The following ABCA13 variants were observed in gnomAD, a reference collection of about 807,000 sequenced individuals.
ABCA13 encodes the protein ATP binding cassette subfamily A member 13.
In ABCA13, 476 loss-of-function variants were observed where a neutral mutation model predicts 478.7. That is an observed-to-expected ratio of 0.99 (90% confidence interval 0.92 to 1.07). The LOEUF (loss-of-function observed/expected upper bound fraction) is 1.07. Ranked by LOEUF, ABCA13 falls within the 50% of genes least tolerant of loss-of-function variation. ABCA13 has a pLI of 0.00. For synonymous variants in ABCA13, 2,252 were observed against 2,158.9 expected (o/e 1.04, Z -1.20); for missense variants, 6,060 against 5,910.6 (o/e 1.03, Z -0.83).
intron 55 of ABCA13, among the ~76,000 whole-genome samples, chr7:48,530,591 G>C (rs1308947413): frequency 6.6e-6 from 1 of 152,064 alleles, no homozygotes; most frequent in Non-Finnish European, 1.5e-5. Flanking sequence ...GGTTGTACTA[G>C]TTTACATTCC....
intron 7 of ABCA13, 145 bp downstream of exon 7, chr7:48,230,100 C>G: frequency 1.9e-6 from 2 of 1,065,756 alleles, no homozygotes; most frequent in Non-Finnish European, 2.5e-6. Context: ...TCTGTTAATA[C>G]AAGACAAAAA....
chr7:48,316,096 C>A (rs1215080872), intron 26 of ABCA13, among the ~76,000 whole-genome samples: 1 of 152,124 alleles, frequency 6.6e-6, no homozygotes, highest in East Asian at 1.9e-4. Flanking sequence ...GTGATGAAAT[C>A]TCTACCCTCA....
chr7:48,375,128 A>T (rs1231502489), intron 34 of ABCA13, among the ~76,000 whole-genome samples: 1 of 152,188 alleles, frequency 6.6e-6, no homozygotes, highest in African/African-American at 2.4e-5. Flanking sequence ...TAATTATTTT[A>T]TTATATATTA....
chr7:48,401,501 T>C (rs1477458659), intron 38 of ABCA13, among the ~76,000 whole-genome samples: 1 of 152,148 alleles, frequency 6.6e-6, no homozygotes, highest in African/African-American at 2.4e-5. Context: ...TCTCATTGTG[T>C]CCTAATTGGA....
At chr7:48,454,369 G>T (rs943814551) in intron 42 of ABCA13, among the ~76,000 whole-genome samples, 1 of 152,230 alleles carries the variant, frequency 6.6e-6, no homozygotes, top group Non-Finnish European at 1.5e-5. Context: ...AGGCTCCAAA[G>T]GATCACTCTT....
intron 20 of ABCA13, among the ~76,000 whole-genome samples, chr7:48,288,813 A>G (rs938182331): frequency 1.3e-5 from 2 of 152,152 alleles, no homozygotes; most frequent in African/African-American, 4.8e-5. Flanking sequence ...AGGGTCTCCA[A>G]CTATAGCTGA....
At chr7:48,464,004 A>G (rs116485512) in intron 43 of ABCA13, among the ~76,000 whole-genome samples, 2,638 of 152,226 alleles carry the variant, frequency 0.017, 78 homozygotes, top group African/African-American at 0.06. Flanking sequence ...AGGAGTGTGT[A>G]TTTGTTCAGC....
chr7:48,195,533 A>G (rs1420544595), intron 2 of ABCA13, among the ~76,000 whole-genome samples: 1 of 152,126 alleles, frequency 6.6e-6, no homozygotes, highest in East Asian at 1.9e-4. Flanking sequence ...AGCTGAGTGG[A>G]GAGTGCACTC....
chr7:48,349,396 T>A (rs1203222256), intron 29 of ABCA13, among the ~76,000 whole-genome samples: 1 of 152,240 alleles, frequency 6.6e-6, no homozygotes, highest in Non-Finnish European at 1.5e-5. Context: ...GCTTACATGT[T>A]CTCATCCATC....
intron 8 of ABCA13, among the ~76,000 whole-genome samples, chr7:48,236,663 G>T (rs1012997095): frequency 1.3e-5 from 2 of 152,184 alleles, no homozygotes; most frequent in African/African-American, 4.8e-5. Flanking sequence ...AAAAACCCTT[G>T]TGGTTACACT....
chr7:48,529,524 G>A (rs1209274009), intron 55 of ABCA13, among the ~76,000 whole-genome samples: 1 of 152,116 alleles, frequency 6.6e-6, no homozygotes, highest in Admixed American at 6.5e-5. Flanking sequence ...GTTGAGATGC[G>A]ACCTCCAGCT....
chr7:48,560,728 C>T (rs1282330835), intron 55 of ABCA13, among the ~76,000 whole-genome samples: 1 of 152,136 alleles, frequency 6.6e-6, no homozygotes, highest in African/African-American at 2.4e-5. Flanking sequence ...TACTTTCTAG[C>T]AATATTGAAA....
Position 48,376,573 on chromosome 7 carries a change from G to T in ABCA13, c.11335+1G>T, listed in dbSNP as rs1813516308. 8 of 1,613,216 alleles carry T rather than the reference G, an allele frequency of 5.0e-6. No individual in the cohort carries two copies. Among genetic ancestry groups the T allele is most frequent in the Non-Finnish European group, 6.8e-6 (8 of 1,179,636 alleles). On this transcript the variant is annotated splice_donor_variant, in intron 35 of 61. Transcript: ENST00000435803. LOFTEE classifies it high-confidence loss of function. ...TGGTACTTGAGCAACTTGATTCCTG[G>T]TAAGAATTTTGCCTTTTGTAAGATA...
chr7:48,272,419 A>G lies in ABCA13; in HGVS notation c.2753A>G (p.Asn918Ser). The G allele has an allele frequency of 6.2e-7, 1 of 1,613,824 alleles. No homozygotes were observed. Among genetic ancestry groups the G allele is most frequent in the African/African-American group, 1.3e-5 (1 of 75,040 alleles). ...LEQEQISEAL[N>S]TVYAIRNASD... ...CAGGAACAGATCTCAGAAGCTCTGA[A>G]CACAGTCTACGCTATCAGGAATGCA... The change falls in exon 17 of 62, where the codon AAC (asparagine) becomes AGC (serine). Residue 918 changes from asparagine to serine, a missense_variant. Around this residue, in one of 3 missense-constraint regions of ABCA13, gnomAD observed 4,423 missense variants for 4,309.1 expected, o/e 1.03. Coordinates refer to ENST00000435803, the MANE Select transcript of ABCA13 (RefSeq NM_152701.5).
intron 3 of ABCA13, among the ~76,000 whole-genome samples, chr7:48,215,294 T>C (rs1311930669): frequency 2.0e-5 from 3 of 152,192 alleles, no homozygotes; most frequent in African/African-American, 7.2e-5. Context: ...GATGGGGGAA[T>C]GGCCAAACAG....
intron 41 of ABCA13, among the ~76,000 whole-genome samples, chr7:48,422,568 G>A (rs1820912660): frequency 6.6e-6 from 1 of 151,924 alleles, no homozygotes; most frequent in Admixed American, 6.6e-5. Context: ...ATTTTGTGTT[G>A]GACTCCAAAA....
At chr7:48,578,962 C>T (rs1434776530) in intron 55 of ABCA13, among the ~76,000 whole-genome samples, 1 of 152,212 alleles carries the variant, frequency 6.6e-6, no homozygotes, top group Non-Finnish European at 1.5e-5. Context: ...GGGCACTTAA[C>T]TTATACCTGT....
chr7:48,542,690 A>G (rs1834020393), intron 55 of ABCA13, among the ~76,000 whole-genome samples: 1 of 146,534 alleles, frequency 6.8e-6, no homozygotes, highest in African/African-American at 2.6e-5. Flanking sequence ...TAAATAAGTA[A>G]TAAGATAATA....
intron 19 of ABCA13, among the ~76,000 whole-genome samples, chr7:48,286,755 G>A (rs1190077032): frequency 1.3e-5 from 2 of 151,996 alleles, no homozygotes; most frequent in South Asian, 4.2e-4. Context: ...TGCCCAACAC[G>A]GCCTCCCAAA....
Sources: allele counts gnomAD v4.1 joint callset (sites outside exome capture counted in the v4.1 genomes callset), GRCh38; gene constraint gnomAD v4.1.1; regional missense constraint gnomAD v4.1.1; transcripts MANE v1.5; gene names NCBI Gene and HGNC (gene_info 2026-07-23, HGNC 2026-07-21).